Variants in PLPPR5 observed in about 807,000 individuals in gnomAD.
The protein encoded by PLPPR5 is phospholipid phosphatase related 5, also known as phospholipid phosphatase-related protein type 5.
Under a neutral mutation model 33.9 loss-of-function variants are expected in PLPPR5, and 16 were observed. That is an observed-to-expected ratio of 0.47 (90% CI 0.32 to 0.72). The LOEUF is 0.72. Ranked by LOEUF, PLPPR5 falls within the 30% of genes least tolerant of loss-of-function variation. The pLI, the probability that PLPPR5 is intolerant of heterozygous loss-of-function variation, is 0.03. For synonymous variants in PLPPR5, 163 were observed against 150.3 expected (o/e 1.08, Z -0.62); for missense variants, 301 against 406.7 (o/e 0.74, Z 2.23).
intron 5 of PLPPR5, among the ~76,000 whole-genome samples, chr1:98,903,949 G>C (rs11166138): frequency 0.53 from 79,873 of 152,004 alleles, 21,639 homozygotes; most frequent in East Asian, 0.76. Context: ...CTACAAAAGA[G>C]TCAATCAATG....
chr1:98,921,294 A>G (rs916485332), intron 4 of PLPPR5, among the ~76,000 whole-genome samples: 1 of 152,170 alleles, frequency 6.6e-6, no homozygotes, highest in Non-Finnish European at 1.5e-5. Context: ...TTGACATGGT[A>G]TGGTCTTAGA....
At chr1:98,953,593 A>G (rs1650884276) in intron 2 of PLPPR5, among the ~76,000 whole-genome samples, 1 of 152,130 alleles carries the variant, frequency 6.6e-6, no homozygotes, top group South Asian at 2.1e-4. Flanking sequence ...TAAAATAAGA[A>G]CATGTATTCT....
chr1:98,953,851 G>A (rs1242286564), intron 2 of PLPPR5, among the ~76,000 whole-genome samples: 1 of 152,116 alleles, frequency 6.6e-6, no homozygotes, highest in African/African-American at 2.4e-5. Flanking sequence ...TTTAAATATG[G>A]AAAATCTTAA....
chr1:98,898,315 G>A (rs965143474), intron 5 of PLPPR5, among the ~76,000 whole-genome samples: 3 of 152,104 alleles, frequency 2.0e-5, no homozygotes, highest in Admixed American at 6.6e-5. Flanking sequence ...AGGAATCATG[G>A]TCCAATAAAT....
intron 3 of PLPPR5, among the ~76,000 whole-genome samples, chr1:98,922,571 T>C (rs1169214494): frequency 6.6e-6 from 1 of 152,196 alleles, no homozygotes; most frequent in East Asian, 1.9e-4. Flanking sequence ...ACCAAACAGA[T>C]GTTACTTTGA....
chr1:98,917,762 A>G (rs568901843), intron 4 of PLPPR5, among the ~76,000 whole-genome samples: 1 of 152,180 alleles, frequency 6.6e-6, no homozygotes, highest in East Asian at 1.9e-4. Context: ...TATTTTTATC[A>G]GAGCACTTAG....
Position 98,952,978 on chromosome 1 carries a change from T to C in PLPPR5, c.621+92A>G, listed in dbSNP as rs1453612734. On this transcript the variant is annotated intron_variant, in intron 3 of 5. Transcript: ENST00000263177. ...CAGAAAGATATGAATGTGCTTTAAG[T>C]GACTTTCATTATGGCAGAGAAAAAG... 6 of 1,450,130 alleles carry C rather than the reference T, an allele frequency of 4.1e-6. No homozygotes were observed. The African/African-American group carries it at 5.7e-5, about 14-fold the overall frequency. 89.8% of individuals were successfully genotyped at this position (1,450,130 alleles called of 1,614,324 possible).
intron 1 of PLPPR5, among the ~76,000 whole-genome samples, chr1:99,002,158 G>C (rs189695137): frequency 1.2e-3 from 185 of 152,206 alleles, no homozygotes; most frequent in African/African-American, 4.2e-3. Context: ...TGGTGACAGA[G>C]TGCACTATTC....
intron 3 of PLPPR5, among the ~76,000 whole-genome samples, chr1:98,936,792 T>C (rs1265743107): frequency 6.6e-6 from 1 of 152,212 alleles, no homozygotes; most frequent in African/African-American, 2.4e-5. Context: ...GTCTTGGGTA[T>C]TTTTCCTGCA....
At chr1:98,915,402 T>G (rs1399799005) in intron 4 of PLPPR5, among the ~76,000 whole-genome samples, 1 of 152,136 alleles carries the variant, frequency 6.6e-6, no homozygotes. Context: ...TTAATTAACC[T>G]AGCTTATCGT....
intron 1 of PLPPR5, among the ~76,000 whole-genome samples, chr1:98,983,088 ATTTTT>A (rs57436557): frequency 6.6e-6 from 1 of 151,130 alleles, no homozygotes; most frequent in African/African-American, 2.4e-5. Flanking sequence ...CATAAACTCC[ATTTTT>A]TTTTTTATTA....
intron 1 of PLPPR5, among the ~76,000 whole-genome samples, chr1:98,976,234 C>T (rs1013326023): frequency 2.0e-5 from 3 of 151,582 alleles, no homozygotes; most frequent in African/African-American, 7.3e-5. Context: ...ATCTTTTCCT[C>T]TCACAGTGAG....
intron 3 of PLPPR5, among the ~76,000 whole-genome samples, chr1:98,944,270 C>T (rs115901687): frequency 0.013 from 1,943 of 152,260 alleles, 36 homozygotes; most frequent in African/African-American, 0.044. Context: ...CAAAGAAGGA[C>T]GCACAATACT....
rs114834623 is a variant in PLPPR5 at position 98,900,642 on chromosome 1, C to G, written c.934-7538G>C. On this transcript the variant is annotated intron_variant, in intron 5 of 5. Transcript: ENST00000263177. ...CTTTAACCTATAAAATTGGCTTCTT[C>G]TTAGTTATTTCATTTTCCTTTAACT... is the stretch of plus-strand genomic sequence containing the variant. Among the ~76,000 whole-genome samples the G allele has an allele frequency of 7.7e-3, 1,165 of 152,192 alleles. 12 individuals are homozygous for G. The highest frequency in any genetic ancestry group is 0.027 in the African/African-American group (1,109 of 41,554).
At chr1:98,988,425 T>C (rs1415753845) in intron 1 of PLPPR5, among the ~76,000 whole-genome samples, 2 of 152,124 alleles carry the variant, frequency 1.3e-5, no homozygotes, top group Non-Finnish European at 2.9e-5. Context: ...ATACCTGTTA[T>C]TAGGTTGTAG....
At chr1:99,004,969 C>A (rs1653024459), upstream of PLPPR5, 1 of 159,426 alleles carries the variant, frequency 6.3e-6, no homozygotes, top group South Asian at 2.0e-4. Flanking sequence ...GGCGGGGAGT[C>A]CCGGGCGACG....
intron 1 of PLPPR5, among the ~76,000 whole-genome samples, chr1:98,985,953 G>C (rs933707252): frequency 6.6e-6 from 1 of 151,986 alleles, no homozygotes; most frequent in Admixed American, 6.6e-5. Flanking sequence ...TTTTGAGGTG[G>C]CATTTCCTGA....
chr1:98,946,950 T>A (rs544266289), intron 3 of PLPPR5, among the ~76,000 whole-genome samples: 1 of 152,274 alleles, frequency 6.6e-6, no homozygotes, highest in East Asian at 1.9e-4. Context: ...TTTAATTTTA[T>A]TTATGGTGGA....
chr1:98,996,629 T>G (rs1461272248), intron 1 of PLPPR5, among the ~76,000 whole-genome samples: 3 of 152,146 alleles, frequency 2.0e-5, no homozygotes, highest in Non-Finnish European at 4.4e-5. Context: ...TGCTGCTAAC[T>G]ATAGGTTAAG....
Sources: allele counts gnomAD v4.1 joint callset (sites outside exome capture counted in the v4.1 genomes callset), GRCh38; gene constraint gnomAD v4.1.1; transcripts MANE v1.5; gene names NCBI Gene and HGNC (gene_info 2026-07-23, HGNC 2026-07-21).